The following KIAA0319L variants were observed in gnomAD, a reference collection of about 807,000 sequenced individuals.
The protein encoded by KIAA0319L is dyslexia-associated protein KIAA0319-like protein.
KIAA0319L carries 55 observed loss-of-function variants against 120.1 expected under a neutral mutation model. The ratio of observed to expected loss-of-function variants is 0.46; its 90% CI spans 0.37 to 0.57. KIAA0319L has a LOEUF of 0.57. KIAA0319L is among the 20% of genes least tolerant of loss of function. KIAA0319L has a pLI of 0.00. For missense variants in KIAA0319L, 1,049 were observed against 1,255.3 expected (o/e 0.84, Z 2.48); for synonymous variants, 398 against 471.9 (o/e 0.84, Z 2.03).
chr1:35,516,839 TAAAC>T (rs1439865438), intron 2 of KIAA0319L, among the ~76,000 whole-genome samples: 2 of 152,164 alleles, frequency 1.3e-5, no homozygotes, highest in African/African-American at 4.8e-5. Context: ...CTTCAACTGA[TAAAC>T]AACTTCAGCA....
intron 2 of KIAA0319L, among the ~76,000 whole-genome samples, chr1:35,534,128 C>A (rs1351644555): frequency 6.6e-6 from 1 of 152,218 alleles, no homozygotes; most frequent in Non-Finnish European, 1.5e-5. Context: ...AGCTGCCTCA[C>A]AAAGCAGTCC....
chr1:35,462,702 TCTTAC>T lies in KIAA0319L; in HGVS notation c.1208_1212del (p.Arg403GlnfsTer25). On this transcript the variant is annotated frameshift_variant, in exon 8 of 21. Coordinates refer to ENST00000325722, the MANE Select transcript of KIAA0319L (RefSeq NM_024874.5). LOFTEE classifies it high-confidence loss of function. The stretch of plus-strand genomic sequence containing the variant: ...GACACAATAGCAATGGGGGGCCGAT[TCTTAC>T]GGGGCTCTGCAAGAAAGTGACCCAA... The T allele has an allele frequency of 6.2e-7, 1 of 1,613,954 alleles. No homozygotes were observed. The highest frequency in any genetic ancestry group is 8.5e-7 in the Non-Finnish European group (1 of 1,179,830).
At chr1:35,479,966 A>AAAAAAAAAAAAAAAAC (rs1644090904) in intron 3 of KIAA0319L, among the ~76,000 whole-genome samples, 7 of 130,810 alleles carry the variant, frequency 5.4e-5, no homozygotes, top group East Asian at 3.1e-4. Context: ...AAAAAAAAAA[A>AAAAAAAAAAAAAAAAC]AAAAAACACA....
At chr1:35,520,007 A>T (rs915740127) in intron 2 of KIAA0319L, among the ~76,000 whole-genome samples, 4 of 152,218 alleles carry the variant, frequency 2.6e-5, no homozygotes, top group Non-Finnish European at 4.4e-5. Context: ...CTCCATTCTT[A>T]TCAGCAGTGG....
At chr1:35,478,763 C>T (rs933708279) in intron 4 of KIAA0319L, among the ~76,000 whole-genome samples, 18 of 152,082 alleles carry the variant, frequency 1.2e-4, no homozygotes, top group Admixed American at 3.9e-4. Context: ...GAAAATTAGC[C>T]TCGTAAATTT....
At chr1:35,525,018 C>G (rs961928035) in intron 2 of KIAA0319L, among the ~76,000 whole-genome samples, 4 of 152,138 alleles carry the variant, frequency 2.6e-5, no homozygotes, top group African/African-American at 9.7e-5. Flanking sequence ...CTACATCCTT[C>G]CCAGCTTCAG....
intron 1 of KIAA0319L, among the ~76,000 whole-genome samples, chr1:35,556,057 A>C (rs914601618): frequency 3.9e-5 from 6 of 152,264 alleles, no homozygotes; most frequent in African/African-American, 7.2e-5. Flanking sequence ...AAGAACAACA[A>C]CACATCACCA....
chr1:35,513,005 C>T (rs1645519273), intron 2 of KIAA0319L, among the ~76,000 whole-genome samples: 1 of 150,884 alleles, frequency 6.6e-6, no homozygotes, highest in African/African-American at 2.4e-5. Context: ...TATTGGAACT[C>T]ATTTATGTAT....
chr1:35,535,107 A>T, intron 2 of KIAA0319L, among the ~76,000 whole-genome samples: 1 of 127,094 alleles, frequency 7.9e-6, no homozygotes, highest in East Asian at 6.2e-4. Flanking sequence ...AAAAAAAAAA[A>T]AAAAAAAAAA....
At chr1:35,443,076 G>A in intron 17 of KIAA0319L, 48 bp from the exon 18 acceptor site, 1 of 1,612,586 alleles carries the variant, frequency 6.2e-7, no homozygotes, top group Non-Finnish European at 8.5e-7. Context: ...TCAGCCAGGG[G>A]TGACAAGCAG....
Position 35,448,191 on chromosome 1 carries a change from T to C in KIAA0319L, c.2495A>G (p.Gln832Arg), listed in dbSNP as rs780402859. ...CAGCTACCTCTGCTCCGTGTACGGCTGAATCTTTTGCACAATGATGTCGGA... is the reference window on the plus strand; with the variant it reads ...CAGCTACCTCTGCTCCGTGTACGGCCGAATCTTTTGCACAATGATGTCGGA... ...LDSDIIVQKI[Q>R]PYTEQSTKMV... Residue 832 changes from glutamine to arginine, a missense_variant, in exon 16 of 21, where the codon CAG (glutamine) becomes CGG (arginine). By Grantham distance (43) the Gln-to-Arg change is conservative. Coordinates refer to ENST00000325722, the MANE Select transcript of KIAA0319L (RefSeq NM_024874.5). 1.2e-6 allele frequency: 2 copies of C among 1,613,628 alleles called. No individual in the cohort carries two copies. The highest frequency in any genetic ancestry group is 1.7e-6 in the Non-Finnish European group (2 of 1,179,736).
intron 20 of KIAA0319L, chr1:35,438,448 C>CA (rs1640950332): frequency 6.6e-6 from 1 of 150,588 alleles, no homozygotes; most frequent in African/African-American, 2.4e-5. Context: ...ACCCCAAGGA[C>CA]ATTCTATCTA....
At chr1:35,451,849 G>T (rs142763064) in intron 12 of KIAA0319L, 73 bp from the exon 13 acceptor site, 5 of 1,468,028 alleles carry the variant, frequency 3.4e-6, no homozygotes, top group Non-Finnish European at 4.7e-6. Flanking sequence ...AGCAGGAGGA[G>T]ACAATGACTC....
chr1:35,526,388 C>CATATAT (rs60847372), intron 2 of KIAA0319L, among the ~76,000 whole-genome samples: 67 of 127,138 alleles, frequency 5.3e-4, no homozygotes, highest in South Asian at 2.5e-3. Flanking sequence ...TATATACATA[C>CATATAT]ATATATATAT....
chr1:35,530,348 T>C (rs1162477234), intron 2 of KIAA0319L, among the ~76,000 whole-genome samples: 2 of 152,164 alleles, frequency 1.3e-5, no homozygotes, highest in Non-Finnish European at 1.5e-5. Flanking sequence ...TTCTTTCTTC[T>C]GCTTTATCAT....
chr1:35,552,942 C>G (rs1209952402), intron 2 of KIAA0319L, among the ~76,000 whole-genome samples: 1 of 151,996 alleles, frequency 6.6e-6, no homozygotes, highest in Non-Finnish European at 1.5e-5. Context: ...TAAAAATTAG[C>G]CGGGTGTGGT....
At position 35,546,958 on chromosome 1, in the gene KIAA0319L, CTATA is replaced by C. The variant is rs1290112912; in HGVS notation, c.142+7388_142+7391del. ...ACCATAACATCCAGCAATTCCACTCCTATATATAAATATATATATAAAAGTGAAA... is the reference window on the plus strand; with the variant it reads ...ACCATAACATCCAGCAATTCCACTCCTATAAATATATATATAAAAGTGAAA... On this transcript the variant is annotated intron_variant, in intron 2 of 20. Coordinates refer to ENST00000325722, the MANE Select transcript of KIAA0319L (RefSeq NM_024874.5). Among the ~76,000 whole-genome samples, 4 of 148,484 alleles carry C rather than the reference CTATA, an allele frequency of 2.7e-5. No individual in the cohort carries two copies. In the East Asian group the frequency reaches 5.9e-4, roughly 22 times the overall value.
chr1:35,531,597 C>G (rs961504237), intron 2 of KIAA0319L, among the ~76,000 whole-genome samples: 1 of 152,194 alleles, frequency 6.6e-6, no homozygotes, highest in African/African-American at 2.4e-5. Context: ...TCAGGGCCCA[C>G]AAGGGTCAAA....
At chr1:35,450,098 G>T in intron 14 of KIAA0319L, 93 bp from the exon 15 acceptor site, 1 of 1,465,074 alleles carries the variant, frequency 6.8e-7, no homozygotes, top group Non-Finnish European at 9.5e-7. Flanking sequence ...AGGCCCTTCA[G>T]GGCTGAACTG....
Sources: allele counts gnomAD v4.1 joint callset (sites outside exome capture counted in the v4.1 genomes callset), GRCh38; gene constraint gnomAD v4.1.1; transcripts MANE v1.5; gene names NCBI Gene and HGNC (gene_info 2026-07-23, HGNC 2026-07-21).